VIPR2: variants seen among roughly 807,000 people sequenced by gnomAD.
The protein encoded by VIPR2 is vasoactive intestinal polypeptide receptor 2.
VIPR2 carries 48 observed loss-of-function variants against 58.0 expected under a neutral mutation model. The observed-to-expected ratio is 0.83, with a 90% confidence interval of 0.66 to 1.05. The LOEUF is 1.05. Among genes scored for constraint, VIPR2 ranks in the 50% least tolerant of loss-of-function variants. The pLI, the probability that VIPR2 is intolerant of heterozygous loss-of-function variation, is 0.00. For synonymous variants in VIPR2, 243 were observed against 235.2 expected, an observed-to-expected ratio of 1.03 and a Z score of -0.30; for missense variants, 534 against 558.0, an observed-to-expected ratio of 0.96 and a Z score of 0.43.
chr7:159,087,708 A>G (rs1239193669), intron 4 of VIPR2, among the ~76,000 whole-genome samples: 4 of 90,296 alleles, frequency 4.4e-5, no homozygotes, highest in Admixed American at 1.1e-4. Context: ...GTGAGATACG[A>G]CTTCCCCAAC....
chr7:159,090,915 C>A (rs1376880901), intron 4 of VIPR2, among the ~76,000 whole-genome samples: 1 of 117,766 alleles, frequency 8.5e-6, no homozygotes. Context: ...TTGTGACTAT[C>A]ACAATCCCCG....
At chr7:159,106,293 C>T (rs1014502321) in intron 3 of VIPR2, among the ~76,000 whole-genome samples, 1 of 152,282 alleles carries the variant, frequency 6.6e-6, no homozygotes, top group Non-Finnish European at 1.5e-5. Flanking sequence ...CAGATTCCCT[C>T]ACAGGTTCTT....
rs1264688633 is a variant in VIPR2 at position 159,031,432 on chromosome 7, G to A, written c.1143+396C>T. The stretch of plus-strand genomic sequence containing the variant: ...AGCTCGGCTCCGGGCTTCCTCCCCA[G>A]GGACTCACAGGACGCTGTGCAGCCC... On this transcript the variant is annotated intron_variant, in intron 12 of 12. Transcript: ENST00000262178. The surrounding 1 kb of genome is among the most constrained non-coding windows in gnomAD (Gnocchi z 4.0). The A allele has an allele frequency of 1.0e-6, 1 of 984,992 alleles. No individual in the cohort carries two copies. The highest frequency in any genetic ancestry group is 1.7e-5 in the African/African-American group (1 of 57,248). The allele number at this position is 984,992 out of a possible 1,614,324, so 61.0% of individuals were successfully genotyped here. A position where few individuals can be genotyped will look rare whatever the true frequency, so the allele number is the denominator to read the frequency against.
Position 159,096,791 on chromosome 7 carries a change from T to C in VIPR2, c.357+6966A>G. 3.5e-6 allele frequency: 5 copies of C among 1,426,478 alleles called. No homozygotes were observed. The South Asian group carries it at 6.2e-5, about 18-fold the overall frequency. 88.4% of individuals were successfully genotyped at this position (1,426,478 alleles called of 1,614,324 possible). On this transcript the variant is annotated intron_variant, in intron 4 of 12. Coordinates refer to ENST00000262178, the MANE Select transcript of VIPR2 (RefSeq NM_003382.5). This position sits in a 1 kb window ranked among gnomAD's most constrained non-coding sequence, Gnocchi z 5.5. ...CTGCCCCTGCCTGAGGTCAGTCTCG[T>C]GGCCCCCGCAGCAGCCACAGGCCCA...
chr7:159,035,708 T>C (rs939835037), intron 8 of VIPR2: 21 of 985,300 alleles, frequency 2.1e-5, no homozygotes, highest in Non-Finnish European at 2.5e-5. Context: ...GCCTGGCTTA[T>C]CCCAATCTCA....
intron 4 of VIPR2, among the ~76,000 whole-genome samples, chr7:159,064,893 G>A (rs1855995109): frequency 6.6e-6 from 1 of 152,178 alleles, no homozygotes; most frequent in Non-Finnish European, 1.5e-5. Flanking sequence ...GAAGTGTGGA[G>A]GAAGCTCCTG....
At chr7:159,142,954 C>T (rs1387915514) in intron 1 of VIPR2, among the ~76,000 whole-genome samples, 1 of 152,196 alleles carries the variant, frequency 6.6e-6, no homozygotes, top group Non-Finnish European at 1.5e-5. Context: ...CGGGAAAGAG[C>T]CGTGATAGAA....
chr7:159,033,985 G>A (rs1202941767), intron 10 of VIPR2, among the ~76,000 whole-genome samples: 2 of 152,192 alleles, frequency 1.3e-5, no homozygotes, highest in Non-Finnish European at 2.9e-5. Context: ...TAGATGGCGG[G>A]TGTTTTAAAC....
intron 2 of VIPR2, among the ~76,000 whole-genome samples, chr7:159,119,631 T>G (rs1182341894): frequency 6.6e-6 from 1 of 152,152 alleles, no homozygotes. Flanking sequence ...ACCAGTCCCA[T>G]CTCCCATGTG....
chr7:159,071,924 C>T (rs147717212), intron 4 of VIPR2, among the ~76,000 whole-genome samples: 144 of 138,162 alleles, frequency 1.0e-3, no homozygotes, highest in Admixed American at 2.4e-3. Flanking sequence ...AAACACACAT[C>T]GCTAGACTAG....
At chr7:159,071,953 C>T (rs1173940422) in intron 4 of VIPR2, among the ~76,000 whole-genome samples, 1 of 149,942 alleles carries the variant, frequency 6.7e-6, no homozygotes, top group African/African-American at 2.5e-5. Flanking sequence ...TCCAGAGTCC[C>T]ATGTCTCTAG....
At chr7:159,036,452 G>A (rs1424158171) in intron 7 of VIPR2, among the ~76,000 whole-genome samples, 1 of 152,148 alleles carries the variant, frequency 6.6e-6, no homozygotes. Flanking sequence ...CCCACCCTCA[G>A]TGAAAGGTGA....
chr7:159,061,332 G>A (rs2430431), intron 4 of VIPR2, among the ~76,000 whole-genome samples: 137,269 of 147,548 alleles, frequency 0.93, 63,908 homozygotes, highest in East Asian at 1. Context: ...TGCCCCCTGA[G>A]TCTAAAATAA....
intron 4 of VIPR2, among the ~76,000 whole-genome samples, chr7:159,094,779 G>T (rs1298199613): frequency 6.6e-6 from 1 of 152,184 alleles, no homozygotes; most frequent in Non-Finnish European, 1.5e-5. Context: ...GTATGTCCAA[G>T]TTAGAGGGAG....
chr7:159,092,601 T>C (rs1184632799), intron 4 of VIPR2, among the ~76,000 whole-genome samples: 2 of 151,996 alleles, frequency 1.3e-5, no homozygotes, highest in African/African-American at 2.4e-5. Context: ...CCTCCTTCCA[T>C]GGGCAATTTC....
chr7:159,144,798 C>A lies in VIPR2; in HGVS notation c.-27G>T. 1 of 1,242,706 alleles carries A rather than the reference C, an allele frequency of 8.0e-7. No individual in the cohort carries two copies. The highest frequency in any genetic ancestry group is 1.0e-6 in the Non-Finnish European group (1 of 994,672). The allele number at this position is 1,242,706 out of a possible 1,614,324, so 77.0% of individuals were successfully genotyped here. A position where few individuals can be genotyped will look rare whatever the true frequency, so the allele number is the denominator to read the frequency against. On this transcript the variant is annotated 5_prime_UTR_variant, in exon 1 of 13. Transcript: ENST00000262178. ...CCGAGCTCAGCGTGCCGGGGGCCGC[C>A]CAGCGCCCGCCGCCTCCGTCCTAGG...
intron 2 of VIPR2, among the ~76,000 whole-genome samples, chr7:159,130,615 C>T (rs1003498728): frequency 3.3e-5 from 5 of 152,176 alleles, no homozygotes; most frequent in Non-Finnish European, 7.3e-5. Context: ...CCTAGCACCC[C>T]CCAATCCCCA....
At chr7:159,101,624 C>T (rs1156522297) in intron 4 of VIPR2, among the ~76,000 whole-genome samples, 9 of 126,052 alleles carry the variant, frequency 7.1e-5, no homozygotes, top group African/African-American at 1.9e-4. Context: ...TGGTAGTGAA[C>T]GGGTCTCACG....
At position 159,058,494 on chromosome 7, in the gene VIPR2, G is replaced by T. The variant is rs765540353; in HGVS notation, c.442C>A (p.Leu148Met). ...LMSLATGSII[L>M]CLFRKLHCTR... The stretch of plus-strand genomic sequence containing the variant: ...TCTGCTCCTTACCTGAAGAGGCACA[G>T]AATTATGCTTCCTGTTGCAAGAGAC... The change falls in exon 5 of 13, where the codon CTG becomes ATG. Residue 148 changes from leucine to methionine, a missense_variant. This residue lies in a region of VIPR2 where 224 missense variants were observed against 255.7 expected (regional missense o/e 0.88). Coordinates refer to ENST00000262178, the MANE Select transcript of VIPR2 (RefSeq NM_003382.5). 1 of 1,613,060 alleles carries T rather than the reference G, an allele frequency of 6.2e-7. No individual in the cohort carries two copies. Among genetic ancestry groups the T allele is most frequent in the South Asian group, 1.1e-5 (1 of 91,058 alleles).
Sources: allele counts gnomAD v4.1 joint callset (sites outside exome capture counted in the v4.1 genomes callset), GRCh38; gene constraint gnomAD v4.1.1; regional missense constraint gnomAD v4.1.1; non-coding constraint Gnocchi (gnomAD v3.1); transcripts MANE v1.5; gene names NCBI Gene and HGNC (gene_info 2026-07-23, HGNC 2026-07-21).